Variants in TMEFF1 observed in about 807,000 individuals in gnomAD.
TMEFF1 encodes the protein tomoregulin-1.
A neutral mutation model predicts 47.5 loss-of-function variants in TMEFF1; 20 were observed. The observed-to-expected ratio is 0.42, with a 90% CI of 0.30 to 0.61. TMEFF1 has a LOEUF of 0.61. Ranked by LOEUF, TMEFF1 falls within the 20% of genes least tolerant of loss-of-function variation. The pLI, the probability that TMEFF1 is intolerant of heterozygous loss-of-function variation, is 0.19. For synonymous variants in TMEFF1, 162 were observed against 166.3 expected, an observed-to-expected ratio of 0.97 and a Z score of 0.20; for missense variants, 411 against 471.1, an observed-to-expected ratio of 0.87 and a Z score of 1.18.
chr9:100,533,461 G>C (rs1307582229), intron 5 of TMEFF1, among the ~76,000 whole-genome samples: 1 of 151,912 alleles, frequency 6.6e-6, no homozygotes. Flanking sequence ...CATAATCCCT[G>C]TTGAAGTTTT....
intron 5 of TMEFF1, among the ~76,000 whole-genome samples, chr9:100,530,248 C>A (rs1357786588): frequency 2.6e-5 from 4 of 152,024 alleles, no homozygotes; most frequent in Admixed American, 2.6e-4. Flanking sequence ...AAAATCAGAG[C>A]AGAACTGAAG....
At chr9:100,493,432 A>C (rs1246540893) in intron 1 of TMEFF1, among the ~76,000 whole-genome samples, 1 of 152,200 alleles carries the variant, frequency 6.6e-6, no homozygotes. Context: ...TCAGAGCCTG[A>C]ACCTAGTTGT....
At chr9:100,506,594 T>C (rs1216209184) in intron 2 of TMEFF1, among the ~76,000 whole-genome samples, 4 of 151,186 alleles carry the variant, frequency 2.6e-5, no homozygotes, top group Non-Finnish European at 5.9e-5. Flanking sequence ...TGAAACCCCG[T>C]CTCTACTAAA....
At chr9:100,516,071 C>A (rs986721784) in intron 4 of TMEFF1, among the ~76,000 whole-genome samples, 4 of 151,860 alleles carry the variant, frequency 2.6e-5, no homozygotes, top group Admixed American at 2.6e-4. Flanking sequence ...GACCTGCATA[C>A]TTTTGTATCT....
intron 1 of TMEFF1, among the ~76,000 whole-genome samples, chr9:100,497,057 C>T (rs1056885629): frequency 6.6e-6 from 1 of 152,236 alleles, no homozygotes; most frequent in East Asian, 1.9e-4. Flanking sequence ...CAGACCTTGT[C>T]CAAGTTCCTA....
At chr9:100,523,635 A>G (rs946729428) in intron 5 of TMEFF1, among the ~76,000 whole-genome samples, 1 of 152,218 alleles carries the variant, frequency 6.6e-6, no homozygotes, top group Non-Finnish European at 1.5e-5. Context: ...AATCTCAGTA[A>G]CTTGACATGA....
chr9:100,541,719 A>G (rs1313742272), intron 5 of TMEFF1, among the ~76,000 whole-genome samples: 4 of 152,074 alleles, frequency 2.6e-5, no homozygotes, highest in African/African-American at 9.7e-5. Context: ...TTTTCACTTT[A>G]TAGGTTTTGA....
chr9:100,557,168 G>T (rs1168312781), intron 7 of TMEFF1, among the ~76,000 whole-genome samples: 1 of 151,420 alleles, frequency 6.6e-6, no homozygotes, highest in Non-Finnish European at 1.5e-5. Flanking sequence ...TCTGTTTAAA[G>T]TGTGCAATTC....
chr9:100,559,466 G>A (rs1838974348), intron 7 of TMEFF1, among the ~76,000 whole-genome samples: 1 of 152,074 alleles, frequency 6.6e-6, no homozygotes, highest in Non-Finnish European at 1.5e-5. Flanking sequence ...TTGAAATGTG[G>A]CTAGTCAGAA....
intron 1 of TMEFF1, among the ~76,000 whole-genome samples, chr9:100,495,050 A>AT (rs1004122875): frequency 4.0e-5 from 6 of 150,876 alleles, no homozygotes; most frequent in Non-Finnish European, 8.9e-5. Flanking sequence ...TTTTTTGTTG[A>AT]TTTTTTTTTC....
chr9:100,542,923 C>CTT (rs34994276), intron 5 of TMEFF1, among the ~76,000 whole-genome samples: 1,135 of 104,388 alleles, frequency 0.011, no homozygotes, highest in East Asian at 0.02. Flanking sequence ...CTCTCTCTCT[C>CTT]TTTTTTTTTT....
At chr9:100,531,310 G>T (rs1053044431) in intron 5 of TMEFF1, among the ~76,000 whole-genome samples, 1 of 152,190 alleles carries the variant, frequency 6.6e-6, no homozygotes, top group African/African-American at 2.4e-5. Context: ...CCTGTTTGCA[G>T]ACGACATGAT....
intron 7 of TMEFF1, among the ~76,000 whole-genome samples, chr9:100,552,472 A>G (rs904151516): frequency 2.0e-5 from 3 of 152,156 alleles, no homozygotes; most frequent in African/African-American, 4.8e-5. Flanking sequence ...GGAGGAGTTG[A>G]TGGTGGAGAT....
At chr9:100,499,526 G>A (rs1053478069) in intron 2 of TMEFF1, among the ~76,000 whole-genome samples, 2 of 152,096 alleles carry the variant, frequency 1.3e-5, no homozygotes, top group Admixed American at 6.5e-5. Context: ...TTTGATATGA[G>A]GCGAAAAAGG....
At chr9:100,527,068 G>T (rs1251273329) in intron 5 of TMEFF1, among the ~76,000 whole-genome samples, 1 of 150,054 alleles carries the variant, frequency 6.7e-6, no homozygotes, top group East Asian at 2.0e-4. Flanking sequence ...TCTCAAACCC[G>T]AGAGGCGGAG....
chr9:100,569,834 C>T (rs1324592240), intron 8 of TMEFF1, among the ~76,000 whole-genome samples: 1 of 152,114 alleles, frequency 6.6e-6, no homozygotes, highest in East Asian at 1.9e-4. Flanking sequence ...TCCAAGAATA[C>T]ACTGCATTGT....
chr9:100,507,789 A>G (rs1837888806), intron 2 of TMEFF1, among the ~76,000 whole-genome samples: 1 of 152,160 alleles, frequency 6.6e-6, no homozygotes, highest in Non-Finnish European at 1.5e-5. Context: ...CTTCAATTAA[A>G]CATTGTCTTG....
intron 4 of TMEFF1, among the ~76,000 whole-genome samples, chr9:100,515,615 G>A (rs989480161): frequency 2.6e-5 from 4 of 151,858 alleles, no homozygotes; most frequent in African/African-American, 7.3e-5. Flanking sequence ...GTGAAACCCC[G>A]TCTCTACTAA....
At chr9:100,535,798 A>G (rs963922967) in intron 5 of TMEFF1, among the ~76,000 whole-genome samples, 5 of 152,266 alleles carry the variant, frequency 3.3e-5, no homozygotes, top group East Asian at 3.9e-4. Flanking sequence ...ACAACCACAA[A>G]GAAGAAAATC....
Sources: allele counts gnomAD v4.1 joint callset (sites outside exome capture counted in the v4.1 genomes callset), GRCh38; gene constraint gnomAD v4.1.1; transcripts MANE v1.5; gene names NCBI Gene and HGNC (gene_info 2026-07-23, HGNC 2026-07-21).